ADAMTS3: variants seen among roughly 807,000 people sequenced by gnomAD.
ADAMTS3 encodes A disintegrin and metalloproteinase with thrombospondin motifs 3.
In ADAMTS3, 73 loss-of-function variants were observed where a neutral mutation model predicts 129.0. The ratio of observed to expected loss-of-function variants is 0.57; its 90% CI spans 0.47 to 0.69. The LOEUF (loss-of-function observed/expected upper bound fraction) is 0.69, where lower values mean the gene tolerates loss of function less well. Among genes scored for constraint, ADAMTS3 ranks in the 30% least tolerant of loss-of-function variants. ADAMTS3 has a pLI of 0.00. For missense variants in ADAMTS3, 1,457 were observed against 1,514.5 expected (o/e 0.96, Z 0.63); for synonymous variants, 477 against 510.8 (o/e 0.93, Z 0.89).
At chr4:72,337,294 TAAG>T (rs1043565007) in intron 5 of ADAMTS3, among the ~76,000 whole-genome samples, 1 of 152,200 alleles carries the variant, frequency 6.6e-6, no homozygotes, top group African/African-American at 2.4e-5. Flanking sequence ...TTAATGGACT[TAAG>T]AACAAAAGTC....
intron 3 of ADAMTS3, among the ~76,000 whole-genome samples, chr4:72,508,307 T>G (rs788930): frequency 6.6e-6 from 1 of 151,902 alleles, no homozygotes; most frequent in East Asian, 1.9e-4. Flanking sequence ...ATAAGCAGAC[T>G]GAATGGAAGA....
intron 19 of ADAMTS3, among the ~76,000 whole-genome samples, chr4:72,294,439 G>A (rs1042113219): frequency 2.0e-5 from 3 of 152,044 alleles, no homozygotes; most frequent in African/African-American, 7.2e-5. Flanking sequence ...TGCTAGGAGA[G>A]CAGATTTGAA....
chr4:72,353,434 G>C (rs1720494904), intron 4 of ADAMTS3, among the ~76,000 whole-genome samples: 1 of 151,974 alleles, frequency 6.6e-6, no homozygotes. Flanking sequence ...TTCTGTAGCA[G>C]GGTCCTATGT....
Position 72,549,264 on chromosome 4 carries a change from G to T in ADAMTS3, c.98-380C>A, listed in dbSNP as rs541916005. On this transcript the variant is annotated intron_variant, in intron 2 of 21. Coordinates refer to ENST00000286657, the MANE Select transcript of ADAMTS3 (RefSeq NM_014243.3). ...ACATCTGCTAAAAACTTTTAACAAG[G>T]TTATTATGTAGAAAAAAGAATTCTG... Among the ~76,000 whole-genome samples, 14 of 152,138 alleles carry T rather than the reference G, an allele frequency of 9.2e-5. 1 individual carries two copies. In the East Asian group the frequency reaches 1.9e-3, roughly 21 times the overall value.
At chr4:72,508,721 G>T (rs573673027) in intron 3 of ADAMTS3, among the ~76,000 whole-genome samples, 2 of 151,850 alleles carry the variant, frequency 1.3e-5, no homozygotes, top group Non-Finnish European at 2.9e-5. Context: ...CAAAAAATAC[G>T]TACTGTATAA....
intron 4 of ADAMTS3, among the ~76,000 whole-genome samples, chr4:72,396,108 T>A (rs1324956900): frequency 2.0e-5 from 3 of 152,110 alleles, no homozygotes; most frequent in African/African-American, 4.8e-5. Flanking sequence ...TGGATGTTGG[T>A]TTCATTTACT....
At chr4:72,431,099 A>T (rs1722687902) in intron 3 of ADAMTS3, among the ~76,000 whole-genome samples, 1 of 152,014 alleles carries the variant, frequency 6.6e-6, no homozygotes, top group Admixed American at 6.6e-5. Context: ...CGGAAAGCAA[A>T]GAAAAAGTTC....
chr4:72,416,036 C>T (rs1190855318), intron 3 of ADAMTS3, among the ~76,000 whole-genome samples: 1 of 151,678 alleles, frequency 6.6e-6, no homozygotes, highest in African/African-American at 2.4e-5. Context: ...GTCACTGGCT[C>T]TCATGTAACA....
At chr4:72,473,369 G>A (rs989281977) in intron 3 of ADAMTS3, among the ~76,000 whole-genome samples, 2 of 151,918 alleles carry the variant, frequency 1.3e-5, no homozygotes, top group South Asian at 4.2e-4. Context: ...GGAAAAAAAA[G>A]TTAGCAACTC....
chr4:72,377,641 C>T (rs528451203), intron 4 of ADAMTS3, among the ~76,000 whole-genome samples: 1 of 152,250 alleles, frequency 6.6e-6, no homozygotes, highest in East Asian at 1.9e-4. Flanking sequence ...TTCCAAGTTG[C>T]CAAGTGGCAT....
chr4:72,298,710 T>C (rs1718872707), intron 17 of ADAMTS3, among the ~76,000 whole-genome samples: 1 of 151,936 alleles, frequency 6.6e-6, no homozygotes, highest in Non-Finnish European at 1.5e-5. Flanking sequence ...ATAATAACTT[T>C]ATAAGGTTCA....
chr4:72,567,028 TC>T (rs1722034953), intron 2 of ADAMTS3, among the ~76,000 whole-genome samples: 5 of 152,328 alleles, frequency 3.3e-5, no homozygotes, highest in Middle Eastern at 3.4e-3. Flanking sequence ...AATGTGCTCC[TC>T]CTAAATGCTA....
Position 72,288,756 on chromosome 4 carries a change from C to G in ADAMTS3, c.3044G>C (p.Cys1015Ser). 1 of 1,608,850 alleles carries G rather than the reference C, an allele frequency of 6.2e-7. No homozygotes were observed. Among genetic ancestry groups the G allele is most frequent in the Non-Finnish European group, 8.5e-7 (1 of 1,175,244 alleles). Residue 1015 changes from cysteine (C) to serine (S), a missense_variant, in exon 21 of 22, where the codon TGT becomes TCT. Coordinates refer to ENST00000286657, the MANE Select transcript of ADAMTS3 (RefSeq NM_014243.3). ...TCAATTGGTGTGACACCTACCATTA[C>G]AAGGAGGCAGTTGACAGGCTCTGAC... ...ESVRACQLPP[C>S]NDEPCLGDKS...
chr4:72,320,597 C>T (rs1040330932), intron 7 of ADAMTS3, 117 bp downstream of exon 7: 21 of 1,046,486 alleles, frequency 2.0e-5, no homozygotes, highest in South Asian at 1.2e-4. Flanking sequence ...TATGCTTGGC[C>T]GGTGTGTGGT....
chr4:72,366,216 T>G (rs990166766), intron 4 of ADAMTS3, among the ~76,000 whole-genome samples: 1 of 152,238 alleles, frequency 6.6e-6, no homozygotes, highest in Non-Finnish European at 1.5e-5. Flanking sequence ...TTCTTCCATT[T>G]AACCAGTATG....
At chr4:72,311,241 A>G in intron 13 of ADAMTS3, 60 bp from the exon 14 acceptor site, 1 of 1,410,234 alleles carries the variant, frequency 7.1e-7, no homozygotes, top group Non-Finnish European at 9.6e-7. Flanking sequence ...TGAACAGCAT[A>G]GTTTATTTTA....
intron 3 of ADAMTS3, among the ~76,000 whole-genome samples, chr4:72,464,424 C>T (rs552248560): frequency 6.6e-6 from 1 of 151,994 alleles, no homozygotes; most frequent in South Asian, 2.1e-4. Flanking sequence ...TGTCAGTAAG[C>T]GAACATTGCT....
At chr4:72,494,237 A>G (rs1401249829) in intron 3 of ADAMTS3, among the ~76,000 whole-genome samples, 2 of 152,114 alleles carry the variant, frequency 1.3e-5, no homozygotes, top group African/African-American at 4.8e-5. Flanking sequence ...ATGATGCATC[A>G]TGAGTCTCAT....
intron 5 of ADAMTS3, among the ~76,000 whole-genome samples, chr4:72,334,963 T>C (rs1719952619): frequency 6.6e-6 from 1 of 152,120 alleles, no homozygotes; most frequent in African/African-American, 2.4e-5. Context: ...CCCCATTGCT[T>C]CACAAAGGAG....
Sources: allele counts gnomAD v4.1 joint callset (sites outside exome capture counted in the v4.1 genomes callset), GRCh38; gene constraint gnomAD v4.1.1; transcripts MANE v1.5; gene names NCBI Gene and HGNC (gene_info 2026-07-23, HGNC 2026-07-21).